LAMP2: variants seen among roughly 807,000 people sequenced by gnomAD.
LAMP2 encodes lysosome-associated membrane glycoprotein 2.
In LAMP2, 4 loss-of-function variants were observed where a neutral mutation model predicts 25.6. The ratio of observed to expected loss-of-function variants is 0.16; its 90% CI spans 0.08 to 0.36. The LOEUF is 0.36. Ranked by LOEUF, LAMP2 falls within the 10% of genes least tolerant of loss-of-function variation. LAMP2 has a pLI of 1.00. For missense variants in LAMP2, 272 were observed against 301.4 expected (o/e 0.90, Z 0.72); for synonymous variants, 108 against 112.7 (o/e 0.96, Z 0.27).
At chrX:120,456,825 T>C in intron 1 of LAMP2, 56 bp from the exon 2 acceptor site, 3 of 692,767 alleles carry the variant, frequency 4.3e-6, no homozygotes, top group South Asian at 2.7e-5. Flanking sequence ...ATTATATAAA[T>C]TAAAAACAAG....
chrX:120,430,800 C>T lies in LAMP2; in HGVS notation c.*523G>A, dbSNP rs1242228354. ...CTGATGGTCCTGAGGACATTCTCTA[C>T]TTCATTCAACTGAAAACCAAGTTTA... On this transcript the variant is annotated 3_prime_UTR_variant, in exon 9 of 9. Transcript: ENST00000200639. 8 of 756,016 alleles carry T rather than the reference C, an allele frequency of 1.1e-5. No homozygotes were observed. The South Asian group carries it at 3.3e-4, about 31-fold the overall frequency. 62.3% of individuals were successfully genotyped at this position (756,016 alleles called of 1,213,427 possible).
At chrX:120,461,284 T>C (rs911988573) in intron 1 of LAMP2, among the ~76,000 whole-genome samples, 2 of 111,977 alleles carry the variant, frequency 1.8e-5, no homozygotes, top group African/African-American at 6.5e-5. Context: ...TCCCTGACTA[T>C]AAAAGCCCTC....
intron 6 of LAMP2, among the ~76,000 whole-genome samples, chrX:120,443,797 C>T (rs905213003): frequency 2.7e-5 from 3 of 111,120 alleles, no homozygotes; most frequent in Admixed American, 9.6e-5. Flanking sequence ...CTGGCTAACA[C>T]GGTGAAATCC....
chrX:120,454,934 G>GATATATAT (rs397842673), intron 3 of LAMP2, among the ~76,000 whole-genome samples: 1,949 of 81,513 alleles, frequency 0.024, 25 homozygotes, highest in African/African-American at 0.031. Context: ...CACACACTAG[G>GATATATAT]ATATATATAT....
chrX:120,438,772 ATGT>A lies in LAMP2; in HGVS notation c.1093+2955_1093+2957del, dbSNP rs931836018. The A allele has an allele frequency of 1.2e-4, 99 of 828,813 alleles. 1 individual carries two copies. The highest frequency in any genetic ancestry group is 3.5e-4 in the South Asian group (8 of 23,166). 68.3% of individuals were successfully genotyped at this position (828,813 alleles called of 1,213,427 possible). A position where few individuals can be genotyped will look rare whatever the true frequency, so the allele number is the denominator to read the frequency against. On this transcript the variant is annotated intron_variant, in intron 8 of 8. Transcript: ENST00000200639. ...AGCAAGTACAAATCCACGGTAGAACATGTTGTTCCAACTCAACTACCTGCAGGG... is the reference window on the plus strand; with the variant it reads ...AGCAAGTACAAATCCACGGTAGAACATGTTCCAACTCAACTACCTGCAGGG...
At chrX:120,465,342 A>C (rs1569373417) in intron 1 of LAMP2, among the ~76,000 whole-genome samples, 2 of 111,579 alleles carry the variant, frequency 1.8e-5, no homozygotes, top group African/African-American at 6.5e-5. Flanking sequence ...AAACCAAAAA[A>C]CAGAAGTCAA....
intron 8 of LAMP2, chrX:120,438,371 A>G: frequency 1.3e-6 from 1 of 751,957 alleles, no homozygotes; most frequent in African/African-American, 2.3e-5. Flanking sequence ...CTGGCAAGCA[A>G]TTATCTCTAA....
At position 120,431,233 on chromosome X, in the gene LAMP2, A is replaced by G. The variant is rs1201495258; in HGVS notation, c.*90T>C. The G allele has an allele frequency of 6.7e-6, 8 of 1,195,042 alleles. No homozygotes were observed. Among genetic ancestry groups the G allele is most frequent in the South Asian group, 5.4e-5 (3 of 55,760 alleles). On this transcript the variant is annotated 3_prime_UTR_variant, in exon 9 of 9. Transcript: ENST00000200639. ...AAAGAATTAAAGTTTCAACATATCA[A>G]TTTTAAGAAGCAAAGTGTTTCAACA...
At chrX:120,432,633 A>T (rs916581551) in intron 8 of LAMP2, among the ~76,000 whole-genome samples, 4 of 111,844 alleles carry the variant, frequency 3.6e-5, no homozygotes, top group Non-Finnish European at 3.8e-5. Flanking sequence ...GGAGGAGATA[A>T]TAGAATGGTT....
At chrX:120,451,932 T>C (rs1348939115) in intron 3 of LAMP2, among the ~76,000 whole-genome samples, 1 of 111,859 alleles carries the variant, frequency 8.9e-6, no homozygotes, top group African/African-American at 3.2e-5. Flanking sequence ...AAGAGAGAAG[T>C]GTTAACATTT....
intron 1 of LAMP2, among the ~76,000 whole-genome samples, chrX:120,465,570 T>C (rs766828110): frequency 3.1e-4 from 35 of 112,167 alleles, no homozygotes; most frequent in Non-Finnish European, 5.3e-4. Context: ...AAGACCAATA[T>C]ATAGCCTCTA....
At chrX:120,461,472 T>C (rs889760502) in intron 1 of LAMP2, among the ~76,000 whole-genome samples, 10 of 111,933 alleles carry the variant, frequency 8.9e-5, no homozygotes, top group Non-Finnish European at 1.9e-4. Context: ...ATACAGTAAG[T>C]AATTTGTTAC....
At chrX:120,452,919 G>A (rs2058628776) in intron 3 of LAMP2, among the ~76,000 whole-genome samples, 1 of 110,177 alleles carries the variant, frequency 9.1e-6, no homozygotes, top group African/African-American at 3.3e-5. Flanking sequence ...CATATGCAAA[G>A]TTTACTGTGT....
intron 3 of LAMP2, 80 bp downstream of exon 3, chrX:120,455,277 A>C (rs1000312356): frequency 1.2e-6 from 1 of 838,343 alleles, no homozygotes; most frequent in African/African-American, 2.1e-5. Context: ...ACAGACATTC[A>C]TAACAATTTT....
At chrX:120,463,377 TGGGTAA>T (rs1921398541) in intron 1 of LAMP2, among the ~76,000 whole-genome samples, 1 of 111,238 alleles carries the variant, frequency 9.0e-6, no homozygotes, top group African/African-American at 3.3e-5. Context: ...GGCCAAAGAG[TGGGTAA>T]GGAAACAAGA....
chrX:120,439,033 C>A, intron 8 of LAMP2: 1 of 1,145,314 alleles, frequency 8.7e-7, no homozygotes. Context: ...TTGAAATCCC[C>A]CATACCACCC....
At chrX:120,439,833 G>T (rs1466065910) in intron 8 of LAMP2, among the ~76,000 whole-genome samples, 1 of 110,702 alleles carries the variant, frequency 9.0e-6, no homozygotes, top group Non-Finnish European at 1.9e-5. Context: ...TAGCCTCTCA[G>T]TGGTAGAGTG....
chrX:120,437,332 T>C (rs988897197), intron 8 of LAMP2: 90 of 745,866 alleles, frequency 1.2e-4, no homozygotes, highest in Middle Eastern at 7.7e-4. Flanking sequence ...TGTGTGTGTA[T>C]TGATCCATTC....
In LAMP2 at chrX:120,428,291, G is replaced by GAA. The variant is rs113549733; in HGVS notation, c.*3030_*3031dup. On this transcript the variant is annotated 3_prime_UTR_variant, in exon 9 of 9. Transcript: ENST00000200639. ...TTTTAATTATACTTTAACAAAGGAA[G>GAA]AAAAAAAACAGAAAAAAATTGGTCC... The GAA allele has an allele frequency of 2.8e-5, 12 of 423,051 alleles. No individual in the cohort carries two copies. The highest frequency in any genetic ancestry group is 2.4e-4 in the African/African-American group (9 of 37,521). The allele number at this position is 423,051 out of a possible 1,213,427, so 34.9% of individuals were successfully genotyped here. A position where few individuals can be genotyped will look rare whatever the true frequency, so the allele number is the denominator to read the frequency against.
Sources: gnomAD v4.1 joint callset for allele counts (sites outside exome capture counted in the v4.1 genomes callset) on GRCh38, gnomAD v4.1.1 for gene constraint, MANE v1.5 for transcripts, NCBI Gene and HGNC (gene_info 2026-07-23, HGNC 2026-07-21) for gene names.